The following MATN2 variants were observed in gnomAD, a reference collection of about 807,000 sequenced individuals.
MATN2 encodes the protein matrilin 2.
In MATN2, 69 loss-of-function variants were observed where a neutral mutation model predicts 103.2. The ratio of observed to expected loss-of-function variants is 0.67; its 90% CI spans 0.55 to 0.82. The LOEUF (loss-of-function observed/expected upper bound fraction) is 0.82, where lower values mean the gene tolerates loss of function less well. Among genes scored for constraint, MATN2 ranks in the 40% least tolerant of loss-of-function variants. MATN2 has a pLI of 0.00. For missense variants in MATN2, 1,023 were observed against 1,211.5 expected (o/e 0.84, Z 2.31); for synonymous variants, 429 against 450.2 (o/e 0.95, Z 0.60).
chr8:97,945,422 C>T (rs910045773), intron 4 of MATN2, among the ~76,000 whole-genome samples: 2 of 152,088 alleles, frequency 1.3e-5, no homozygotes, highest in Non-Finnish European at 2.9e-5. Flanking sequence ...GTTATGTCCT[C>T]ACTCTTGGCC....
At chr8:97,937,077 C>G (rs1209994336) in intron 3 of MATN2, among the ~76,000 whole-genome samples, 1 of 152,274 alleles carries the variant, frequency 6.6e-6, no homozygotes, top group East Asian at 1.9e-4. Context: ...ATGGCCCCAC[C>G]AGCCCCTGAG....
At chr8:97,909,810 G>A (rs1819302832) in intron 2 of MATN2, among the ~76,000 whole-genome samples, 1 of 151,428 alleles carries the variant, frequency 6.6e-6, no homozygotes, top group African/African-American at 2.4e-5. Flanking sequence ...TTGAGACGGA[G>A]TCTCGCTCTG....
At chr8:97,972,338 CAAAAA>C (rs3076713) in intron 5 of MATN2, among the ~76,000 whole-genome samples, 9 of 126,868 alleles carry the variant, frequency 7.1e-5, no homozygotes, top group Admixed American at 1.6e-4. Context: ...GACCCTGTCT[CAAAAA>C]AAAAAAAAAA....
intron 7 of MATN2, among the ~76,000 whole-genome samples, chr8:97,997,370 C>T (rs1182607527): frequency 6.6e-6 from 1 of 152,214 alleles, no homozygotes; most frequent in Non-Finnish European, 1.5e-5. Context: ...AACAGGACTT[C>T]CTGCCTTAAC....
chr8:97,879,721 G>T (rs899849297), intron 1 of MATN2, among the ~76,000 whole-genome samples: 1 of 152,324 alleles, frequency 6.6e-6, no homozygotes, highest in African/African-American at 2.4e-5. Context: ...AAGGATTTGA[G>T]GAAAAGATGA....
At chr8:97,899,088 C>G (rs1404612019) in intron 2 of MATN2, among the ~76,000 whole-genome samples, 1 of 152,086 alleles carries the variant, frequency 6.6e-6, no homozygotes, top group African/African-American at 2.4e-5. Context: ...CCCACCCACC[C>G]TGTTTTATCC....
At chr8:97,936,934 A>G (rs903723322) in intron 3 of MATN2, among the ~76,000 whole-genome samples, 2 of 152,180 alleles carry the variant, frequency 1.3e-5, no homozygotes, top group Non-Finnish European at 2.9e-5. Flanking sequence ...AGTGTCAGGA[A>G]TTCCATTTTT....
chr8:97,911,090 G>A (rs1809414033), intron 2 of MATN2, among the ~76,000 whole-genome samples: 1 of 152,132 alleles, frequency 6.6e-6, no homozygotes. Context: ...CCGCCTTCAA[G>A]CGTTTCTCCT....
chr8:98,010,877 C>T (rs1782919097), intron 10 of MATN2, among the ~76,000 whole-genome samples: 1 of 152,240 alleles, frequency 6.6e-6, no homozygotes, highest in South Asian at 2.1e-4. Context: ...GTTAGGCTGC[C>T]TGAGGCCCTG....
At chr8:97,883,554 ATTTTTTT>A (rs552141646) in intron 1 of MATN2, among the ~76,000 whole-genome samples, 47 of 133,168 alleles carry the variant, frequency 3.5e-4, no homozygotes, top group African/African-American at 1.1e-3. Flanking sequence ...TTCCCAGCTA[ATTTTTTT>A]TTTTTTTTTT....
At chr8:97,911,032 A>G (rs1809411474) in intron 2 of MATN2, among the ~76,000 whole-genome samples, 1 of 152,178 alleles carries the variant, frequency 6.6e-6, no homozygotes, top group Non-Finnish European at 1.5e-5. Context: ...TCTCTTGCCC[A>G]TGCTGGAGTG....
At chr8:97,898,824 A>G (rs954803356) in intron 2 of MATN2, among the ~76,000 whole-genome samples, 17 of 152,208 alleles carry the variant, frequency 1.1e-4, no homozygotes, top group Admixed American at 4.6e-4. Flanking sequence ...ATCATGGCTC[A>G]CTGCAGCCTC....
chr8:97,981,497 C>T (rs528089098), intron 6 of MATN2, among the ~76,000 whole-genome samples: 1 of 151,834 alleles, frequency 6.6e-6, no homozygotes, highest in African/African-American at 2.4e-5. Flanking sequence ...AAGATTTCCA[C>T]TGCAAGCTGG....
Position 97,878,675 on chromosome 8 carries a change from C to A in MATN2, c.-27+9388C>A, listed in dbSNP as rs1310456731. Among the ~76,000 whole-genome samples the A allele has an allele frequency of 3.3e-5, 5 of 151,808 alleles. No homozygotes were observed. The East Asian group carries it at 9.7e-4, about 29-fold the overall frequency. On this transcript the variant is annotated intron_variant, in intron 1 of 18. Transcript: ENST00000254898. ...GACCAGCCTAGCCAACGTGGTGAAACCCCATCTTTACTAAAAATACAAAAA... is the reference window on the plus strand; with the variant it reads ...GACCAGCCTAGCCAACGTGGTGAAAACCCATCTTTACTAAAAATACAAAAA...
intron 2 of MATN2, among the ~76,000 whole-genome samples, chr8:97,899,367 G>A (rs1470701093): frequency 6.6e-6 from 1 of 152,118 alleles, no homozygotes; most frequent in African/African-American, 2.4e-5. Flanking sequence ...ATATATATAT[G>A]TTCTAGAAAT....
chr8:97,896,337 C>T (rs982240976), intron 2 of MATN2, among the ~76,000 whole-genome samples: 2 of 152,240 alleles, frequency 1.3e-5, no homozygotes, highest in African/African-American at 4.8e-5. Flanking sequence ...ACCAATTCCC[C>T]TGACATCCCT....
At chr8:97,960,461 T>C (rs1374421265) in intron 4 of MATN2, among the ~76,000 whole-genome samples, 1 of 152,198 alleles carries the variant, frequency 6.6e-6, no homozygotes, top group African/African-American at 2.4e-5. Context: ...TCCACCAACA[T>C]ATTCTTAGTT....
At chr8:98,024,520 C>CAACA (rs1263333889) in intron 13 of MATN2, among the ~76,000 whole-genome samples, 1 of 152,046 alleles carries the variant, frequency 6.6e-6, no homozygotes, top group Non-Finnish European at 1.5e-5. Flanking sequence ...ACAACAACAA[C>CAACA]AACAACAAAC....
At chr8:98,010,682 GC>G (rs1813130549) in intron 10 of MATN2, among the ~76,000 whole-genome samples, 1 of 152,162 alleles carries the variant, frequency 6.6e-6, no homozygotes, top group Non-Finnish European at 1.5e-5. Flanking sequence ...CCTTGGAGGG[GC>G]CCCAGAGACA....
Sources: gnomAD v4.1 joint callset for allele counts (sites outside exome capture counted in the v4.1 genomes callset) on GRCh38, gnomAD v4.1.1 for gene constraint, MANE v1.5 for transcripts, NCBI Gene and HGNC (gene_info 2026-07-23, HGNC 2026-07-21) for gene names.